Variants in USP37 observed in about 807,000 individuals in gnomAD.
The protein encoded by USP37 is ubiquitin carboxyl-terminal hydrolase 37.
In USP37, 27 loss-of-function variants were observed where a neutral mutation model predicts 124.0. The observed-to-expected ratio is 0.22, with a 90% CI of 0.16 to 0.30. USP37 has a LOEUF of 0.30. USP37 is among the 10% of genes least tolerant of loss of function. The pLI, the probability that USP37 is intolerant of heterozygous loss-of-function variation, is 1.00. For synonymous variants in USP37, 365 were observed against 388.0 expected, an observed-to-expected ratio of 0.94 and a Z score of 0.70; for missense variants, 889 against 1,140.4, an observed-to-expected ratio of 0.78 and a Z score of 3.17.
At chr2:218,558,972 C>T (rs552089897) in intron 3 of USP37, among the ~76,000 whole-genome samples, 2 of 149,184 alleles carry the variant, frequency 1.3e-5, no homozygotes, top group Non-Finnish European at 3.0e-5. Flanking sequence ...TTCATGAAAG[C>T]TAATGGGTCT....
intron 10 of USP37, among the ~76,000 whole-genome samples, chr2:218,516,464 C>T (rs1315521064): frequency 6.6e-6 from 1 of 151,840 alleles, no homozygotes; most frequent in Admixed American, 6.6e-5. Flanking sequence ...ACTGCACGTT[C>T]TCACTCATAA....
rs1693768944 is a variant in USP37, at chr2:218,568,176, A to C, written c.-230+2T>G. On this transcript the variant is annotated splice_donor_variant, in intron 1 of 25. Transcript: ENST00000258399. LOFTEE classifies it low-confidence loss of function (5UTR_SPLICE). ...TTGAGAAGCTACCCCGGCCCGCCTT[A>C]CCTGCGCCGAGGGTCCGGAGCCCCC... 6.6e-6 allele frequency: 1 copy of C among 152,302 alleles called. No individual in the cohort carries two copies. The allele number at this position is 152,302 out of a possible 1,614,324, so 9.4% of individuals were successfully genotyped here.
chr2:218,564,204 C>T (rs903132717), intron 1 of USP37, among the ~76,000 whole-genome samples: 3 of 152,226 alleles, frequency 2.0e-5, no homozygotes, highest in Admixed American at 6.5e-5. Context: ...ATAGCTACTA[C>T]TCTCAGAAAC....
At chr2:218,558,401 T>G (rs990611675) in intron 4 of USP37, 97 bp downstream of exon 4, 1 of 1,078,024 alleles carries the variant, frequency 9.3e-7, no homozygotes, top group African/African-American at 1.6e-5. Flanking sequence ...AATATTAATC[T>G]AGGAGGAGGG....
chr2:218,466,300 T>TA (rs1255779061), intron 20 of USP37, 124 bp from the exon 21 acceptor site: 1 of 1,092,054 alleles, frequency 9.2e-7, no homozygotes, highest in African/African-American at 1.6e-5. Flanking sequence ...GCTTAGGACA[T>TA]ACAATTTCAC....
At chr2:218,550,301 A>G (rs1212381944) in intron 5 of USP37, among the ~76,000 whole-genome samples, 2 of 150,326 alleles carry the variant, frequency 1.3e-5, no homozygotes, top group Non-Finnish European at 2.9e-5. Context: ...CTCCAATAAC[A>G]TATACTCCAA....
chr2:218,457,128 T>A lies in USP37; in HGVS notation c.2677A>T (p.Ser893Cys). ...GTGCTACCAATGTGACTGACAACACTGATGAGCCGGTACGAATGAGGCAGA... is the reference window on the plus strand; with the variant it reads ...GTGCTACCAATGTGACTGACAACACAGATGAGCCGGTACGAATGAGGCAGA... Reference protein sequence around the residue: ...GNLPHSYRLISVVSHIGSTSS... With the variant: ...GNLPHSYRLICVVSHIGSTSS... Residue 893 changes from serine (S) to cysteine (C), a missense_variant, in exon 24 of 26, where the codon AGT (serine) becomes TGT (cysteine). Physicochemically the swap from Ser to Cys is moderately radical, Grantham distance 112. Around this residue, in one of 3 missense-constraint regions of USP37, gnomAD observed 504 missense variants for 714.3 expected, o/e 0.71. Transcript: ENST00000258399. 1 of 1,614,056 alleles carries A rather than the reference T, an allele frequency of 6.2e-7. No homozygotes were observed.
chr2:218,563,100 T>C (rs1427487130), intron 1 of USP37, among the ~76,000 whole-genome samples: 2 of 150,134 alleles, frequency 1.3e-5, no homozygotes, highest in African/African-American at 4.9e-5. Context: ...GAGGTGGAGG[T>C]TGCAGTGAGC....
intron 10 of USP37, among the ~76,000 whole-genome samples, chr2:218,515,501 G>C (rs1370754176): frequency 1.3e-5 from 2 of 152,020 alleles, no homozygotes. Context: ...CATATGCAGA[G>C]AACAGAAACT....
At chr2:218,512,164 A>G (rs1419896299) in intron 10 of USP37, among the ~76,000 whole-genome samples, 1 of 152,156 alleles carries the variant, frequency 6.6e-6, no homozygotes, top group African/African-American at 2.4e-5. Context: ...CAGGAGGATC[A>G]GGAGTTTGAA....
intron 11 of USP37, among the ~76,000 whole-genome samples, chr2:218,507,531 G>A (rs998240222): frequency 6.6e-6 from 1 of 152,040 alleles, no homozygotes; most frequent in Non-Finnish European, 1.5e-5. Context: ...AATTTTCACT[G>A]GCTGAAATAT....
chr2:218,476,213 A>G (rs1260062940), intron 19 of USP37, among the ~76,000 whole-genome samples: 1 of 152,192 alleles, frequency 6.6e-6, no homozygotes, highest in Non-Finnish European at 1.5e-5. Flanking sequence ...TAAATCCATA[A>G]TTTAAACAAT....
intron 11 of USP37, among the ~76,000 whole-genome samples, chr2:218,506,064 A>G (rs1318657494): frequency 2.0e-5 from 3 of 151,754 alleles, no homozygotes; most frequent in Admixed American, 6.6e-5. Context: ...GGGTTTCGCT[A>G]TGTTGCCCAG....
At position 218,526,628 on chromosome 2, in the gene USP37, T is replaced by C. The variant is rs542565935; in HGVS notation, c.863+3328A>G. 3.3e-5 allele frequency among the ~76,000 whole-genome samples: 5 copies of C among 152,250 alleles called. No homozygotes were observed. In the East Asian group the frequency reaches 9.6e-4, roughly 29 times the overall value. On this transcript the variant is annotated intron_variant, in intron 10 of 25. Transcript: ENST00000258399. Reference sequence around the variant, plus strand: ...TAAAAAGTATTTGTTGTTTGGTATTTTTTGAGGCTTTTCGATGTGAGGACT... The same window carrying C: ...TAAAAAGTATTTGTTGTTTGGTATTCTTTGAGGCTTTTCGATGTGAGGACT...
intron 8 of USP37, among the ~76,000 whole-genome samples, chr2:218,538,792 G>A (rs146718534): frequency 5.9e-5 from 9 of 152,220 alleles, no homozygotes; most frequent in African/African-American, 2.2e-4. Flanking sequence ...TATTGGGACT[G>A]ACAATATTCT....
At chr2:218,463,709 G>A (rs1690155886) in intron 21 of USP37, among the ~76,000 whole-genome samples, 1 of 151,080 alleles carries the variant, frequency 6.6e-6, no homozygotes, top group Admixed American at 6.6e-5. Flanking sequence ...CTAATTTTTT[G>A]TATTTTTAGT....
chr2:218,518,208 A>G (rs1690403879), intron 10 of USP37, among the ~76,000 whole-genome samples: 1 of 151,914 alleles, frequency 6.6e-6, no homozygotes, highest in Non-Finnish European at 1.5e-5. Flanking sequence ...AAAATCCAAA[A>G]CAGATTTGAG....
At chr2:218,467,400 G>A (rs2106412372) in intron 20 of USP37, among the ~76,000 whole-genome samples, 1 of 151,928 alleles carries the variant, frequency 6.6e-6, no homozygotes, top group Admixed American at 6.6e-5. Context: ...TCAGGCTGGA[G>A]TGCAGTGGCG....
At chr2:218,483,213 C>A (rs1026287612) in intron 16 of USP37, among the ~76,000 whole-genome samples, 1 of 152,084 alleles carries the variant, frequency 6.6e-6, no homozygotes, top group Non-Finnish European at 1.5e-5. Flanking sequence ...TTTCAAATAA[C>A]CTAACCAAAA....
Sources: gnomAD v4.1 joint callset for allele counts (sites outside exome capture counted in the v4.1 genomes callset) on GRCh38, gnomAD v4.1.1 for gene constraint, gnomAD v4.1.1 regional missense constraint, MANE v1.5 for transcripts, NCBI Gene and HGNC (gene_info 2026-07-23, HGNC 2026-07-21) for gene names.